Variants in CYP7A1 observed in about 807,000 individuals in gnomAD.
The protein encoded by CYP7A1 is cytochrome P450 family 7 subfamily A member 1.
A neutral mutation model predicts 43.8 loss-of-function variants in CYP7A1; 28 were observed. That is an observed-to-expected ratio of 0.64 (90% CI 0.47 to 0.88). The LOEUF (loss-of-function observed/expected upper bound fraction) is 0.88. Ranked by LOEUF, CYP7A1 falls within the 40% of genes least tolerant of loss-of-function variation. CYP7A1 has a pLI of 0.00. For synonymous variants in CYP7A1, 227 were observed against 222.5 expected (o/e 1.02, Z -0.18); for missense variants, 637 against 611.9 (o/e 1.04, Z -0.43).
Position 58,491,648 on chromosome 8 carries a change from A to G in CYP7A1, c.1342T>C (p.Leu448=). ...TGCTTGATTTCGTGGATAGCGAACA[A>G]TCTTCCAGGACATATTGTAGCTCCC... is the stretch of plus-strand genomic sequence containing the variant. ...GSGATICPGR[L]FAIHEIKQFL... The change falls in exon 6 of 6, where the codon TTG becomes CTG. Residue 448 remains leucine, a synonymous_variant. Transcript: ENST00000301645. The G allele has an allele frequency of 6.2e-7, 1 of 1,614,202 alleles. No individual in the cohort carries two copies. The highest frequency in any genetic ancestry group is 8.5e-7 in the Non-Finnish European group (1 of 1,180,040).
Position 58,491,255 on chromosome 8 carries a change from G to A in CYP7A1, c.*220C>T. ...CTTATACAAATGAAAACAAATTATTGTGCTCCTAGAAACTAGTTCTTTTCA... is the reference window on the plus strand; with the variant it reads ...CTTATACAAATGAAAACAAATTATTATGCTCCTAGAAACTAGTTCTTTTCA... On this transcript the variant is annotated 3_prime_UTR_variant, in exon 6 of 6. Coordinates refer to ENST00000301645, the MANE Select transcript of CYP7A1 (RefSeq NM_000780.4). The A allele has an allele frequency of 3.5e-6, 2 of 566,802 alleles. No individual in the cohort carries two copies. The highest frequency in any genetic ancestry group is 2.4e-5 in the South Asian group (1 of 42,206). 35.1% of individuals were successfully genotyped at this position (566,802 alleles called of 1,614,324 possible).
At chr8:58,498,620 T>G (rs1330261103) in intron 1 of CYP7A1, 151 bp from the exon 2 acceptor site, 2 of 776,102 alleles carry the variant, frequency 2.6e-6, no homozygotes, top group East Asian at 5.2e-5. Flanking sequence ...GCTCTTTTAC[T>G]ACAGTAATAG....
intron 3 of CYP7A1, 81 bp from the exon 4 acceptor site, chr8:58,494,717 T>G: frequency 6.2e-6 from 8 of 1,299,378 alleles, no homozygotes; most frequent in Non-Finnish European, 8.8e-6. Flanking sequence ...AAATAGGCCT[T>G]TCCCCCTTCT....
chr8:58,491,420 G>A lies in CYP7A1; in HGVS notation c.*55C>T, dbSNP rs960213485. ...TTTGTCCAAAGGGACTGTGTGGTGA[G>A]GGTGTTCTGCAGTCCTGTAATATCA... On this transcript the variant is annotated 3_prime_UTR_variant, in exon 6 of 6. Transcript: ENST00000301645. 1.3e-6 allele frequency: 2 copies of A among 1,482,254 alleles called. No individual in the cohort carries two copies. The highest frequency in any genetic ancestry group is 2.8e-5 in the African/African-American group (2 of 72,250). The allele number at this position is 1,482,254 out of a possible 1,614,324, so 91.8% of individuals were successfully genotyped here.
intron 3 of CYP7A1, among the ~76,000 whole-genome samples, chr8:58,495,892 T>C (rs1809436222): frequency 6.6e-6 from 1 of 152,250 alleles, no homozygotes; most frequent in Non-Finnish European, 1.5e-5. Flanking sequence ...ATTTTGTGTC[T>C]ACATGATACT....
At chr8:58,497,249 G>A in intron 2 of CYP7A1, 59 bp from the exon 3 acceptor site, 1 of 1,396,404 alleles carries the variant, frequency 7.2e-7, no homozygotes, top group Non-Finnish European at 1.0e-6. Flanking sequence ...CATAGTAAAT[G>A]ACTGAAAAAC....
rs141672922 is a variant in CYP7A1, at chr8:58,494,422, C to T, written c.1039+84G>A. The T allele has an allele frequency of 3.6e-5, 51 of 1,431,324 alleles. No homozygotes were observed. The East Asian group carries it at 6.6e-4, about 19-fold the overall frequency. The allele number at this position is 1,431,324 out of a possible 1,614,324, so 88.7% of individuals were successfully genotyped here. On this transcript the variant is annotated intron_variant, in intron 4 of 5. Transcript: ENST00000301645. Reference sequence around the variant, plus strand: ...AATATTTAGTTTAATGCCTAGAATTCGGTAAGTATATAATTTATGTTGGTC... The same window carrying T: ...AATATTTAGTTTAATGCCTAGAATTTGGTAAGTATATAATTTATGTTGGTC...
At chr8:58,494,934 G>A (rs1009380690) in intron 3 of CYP7A1, among the ~76,000 whole-genome samples, 1 of 151,976 alleles carries the variant, frequency 6.6e-6, no homozygotes, top group Non-Finnish European at 1.5e-5. Context: ...AGGAGTTTGA[G>A]ACCAGCCTGA....
At chr8:58,492,044 A>G (rs1308637347) in intron 5 of CYP7A1, among the ~76,000 whole-genome samples, 1 of 152,170 alleles carries the variant, frequency 6.6e-6, no homozygotes, top group East Asian at 1.9e-4. Flanking sequence ...AACTAGAATA[A>G]TCAATATATT....
Position 58,490,236 on chromosome 8 carries a change from T to C in CYP7A1, c.*1239A>G, listed in dbSNP as rs1319647725. The C allele has an allele frequency of 6.6e-6, 1 of 152,222 alleles. No homozygotes were observed. The highest frequency in any genetic ancestry group is 1.5e-5 in the Non-Finnish European group (1 of 68,032). The allele number at this position is 152,222 out of a possible 1,614,324, so 9.4% of individuals were successfully genotyped here. On this transcript the variant is annotated 3_prime_UTR_variant, in exon 6 of 6. Coordinates refer to ENST00000301645, the MANE Select transcript of CYP7A1 (RefSeq NM_000780.4). ...ATTTCAAAATTATCAAATGTTAGAA[T>C]ATTTTCTTAATATTTGTAAAATAAG...
chr8:58,495,318 C>T (rs930840426), intron 3 of CYP7A1, among the ~76,000 whole-genome samples: 16 of 150,878 alleles, frequency 1.1e-4, no homozygotes, highest in South Asian at 2.1e-4. Context: ...CTCCGCCTCC[C>T]GGGTTCACGC....
At position 58,498,364 on chromosome 8, in the gene CYP7A1, T is replaced by G. The variant is rs1809481074; in HGVS notation, c.186A>C (p.Lys62Asn). The G allele has an allele frequency of 6.2e-7, 1 of 1,614,180 alleles. No homozygotes were observed. The highest frequency in any genetic ancestry group is 1.6e-4 in the Middle Eastern group (1 of 6,062). Residue 62 changes from lysine to asparagine, a missense_variant, in exon 2 of 6, where the codon AAA becomes AAC. Coordinates refer to ENST00000301645, the MANE Select transcript of CYP7A1 (RefSeq NM_000780.4). ...GTTTGCAGGTAAAAACATGACCATG[T>G]TTCCTTTGATTTGCTCTGAGGAACT... ...PLEFLRANQRKHGHVFTCKLM... is the reference protein window; with the variant it reads ...PLEFLRANQRNHGHVFTCKLM...
In CYP7A1 at chr8:58,493,852, T is replaced by C. The variant is rs189714059; in HGVS notation, c.1039+654A>G. Among the ~76,000 whole-genome samples the C allele has an allele frequency of 2.0e-3, 297 of 151,976 alleles. 1 individual carries two copies. The highest frequency in any genetic ancestry group is 6.9e-3 in the African/African-American group (284 of 41,436). ...CCGTCTCTACTAAAAATACAAAAAT[T>C]AGCCAGGGGTGGTGGCGTGCACCTG... On this transcript the variant is annotated intron_variant, in intron 4 of 5. Transcript: ENST00000301645.
rs1198262246 is a variant in CYP7A1, at chr8:58,497,112, G to T, written c.400C>A (p.Gln134Lys). The change falls in exon 3 of 6, where the codon CAG becomes AAG. Residue 134 changes from glutamine (Q) to lysine (K), a missense_variant. By Grantham distance (53) the Gln-to-Lys change is moderately conservative. Coordinates refer to ENST00000301645, the MANE Select transcript of CYP7A1 (RefSeq NM_000780.4). ...GTGAGGGAATTCAAGGCATGGCCCTGCAGGGTTTTGATGAAAGTGTCGTTT... is the reference window on the plus strand; with the variant it reads ...GTGAGGGAATTCAAGGCATGGCCCTTCAGGGTTTTGATGAAAGTGTCGTTT... The part of the protein sequence containing the change: ...NINDTFIKTL[Q>K]GHALNSLTES... 2 of 1,600,204 alleles carry T rather than the reference G, an allele frequency of 1.2e-6. No homozygotes were observed. The highest frequency in any genetic ancestry group is 1.7e-6 in the Non-Finnish European group (2 of 1,179,948).
intron 4 of CYP7A1, among the ~76,000 whole-genome samples, chr8:58,493,824 A>G (rs1809395784): frequency 6.6e-6 from 1 of 152,026 alleles, no homozygotes; most frequent in Non-Finnish European, 1.5e-5. Context: ...ACATGGTGAA[A>G]CCCCGTCTCT....
In CYP7A1 at chr8:58,494,578, C is replaced by T; in HGVS notation, c.967G>A (p.Gly323Ser). The change falls in exon 4 of 6, where the codon GGT (glycine) becomes AGT (serine). Residue 323 changes from glycine to serine, a missense_variant. Coordinates refer to ENST00000301645, the MANE Select transcript of CYP7A1 (RefSeq NM_000780.4). ...EEVKRTLENA[G>S]QKVSLEGNPI... Reference sequence around the variant, plus strand: ...TTGCCTTCCAAGCTGACTTTTTGACCAGCATTCTCTAATGTTCTTTTCACT... The same window carrying T: ...TTGCCTTCCAAGCTGACTTTTTGACTAGCATTCTCTAATGTTCTTTTCACT... 6.2e-7 allele frequency: 1 copy of T among 1,614,056 alleles called. No homozygotes were observed. Among genetic ancestry groups the T allele is most frequent in the Non-Finnish European group, 8.5e-7 (1 of 1,179,956 alleles).
chr8:58,491,391 T>C lies in CYP7A1; in HGVS notation c.*84A>G, dbSNP rs1026975346. ...GTGAATCATTTCTACCACCACTAAA[T>C]GCATTTGTCCAAAGGGACTGTGTGG... On this transcript the variant is annotated 3_prime_UTR_variant, in exon 6 of 6. Transcript: ENST00000301645. 5 of 1,247,000 alleles carry C rather than the reference T, an allele frequency of 4.0e-6. No individual in the cohort carries two copies. The African/African-American group carries it at 4.4e-5, about 11-fold the overall frequency. 77.2% of individuals were successfully genotyped at this position (1,247,000 alleles called of 1,614,324 possible). A position where few individuals can be genotyped will look rare whatever the true frequency, so the allele number is the denominator to read the frequency against.
In CYP7A1 at chr8:58,496,631, G is replaced by A; in HGVS notation, c.881C>T (p.Thr294Ile). ...WASQANTIPA[T>I]FWSLFQMIRN... ...AATCATTTGAAATAAACTCCAGAAA[G>A]TCGCTGGAATGGTGTTTGCTTGCGA... The change falls in exon 3 of 6, where the codon ACT becomes ATT. Residue 294 changes from threonine (T) to isoleucine (I), a missense_variant. By Grantham distance (89) the Thr-to-Ile change is moderately conservative. Coordinates refer to ENST00000301645, the MANE Select transcript of CYP7A1 (RefSeq NM_000780.4). 6.2e-7 allele frequency: 1 copy of A among 1,613,984 alleles called. No homozygotes were observed. The highest frequency in any genetic ancestry group is 8.5e-7 in the Non-Finnish European group (1 of 1,179,896).
chr8:58,495,382 C>T (rs1276719697), intron 3 of CYP7A1, among the ~76,000 whole-genome samples: 7 of 151,858 alleles, frequency 4.6e-5, no homozygotes, highest in Middle Eastern at 3.4e-3. Context: ...CCCGCCACCA[C>T]GCCCAGCTAA....
Sources: gnomAD v4.1 joint callset for allele counts (sites outside exome capture counted in the v4.1 genomes callset) on GRCh38, gnomAD v4.1.1 for gene constraint, MANE v1.5 for transcripts, NCBI Gene and HGNC (gene_info 2026-07-23, HGNC 2026-07-21) for gene names.